The following NKAIN2 variants were observed in gnomAD, a reference collection of about 807,000 sequenced individuals.
NKAIN2 encodes the protein sodium/potassium-transporting ATPase subunit beta-1-interacting protein 2.
In NKAIN2, 14 loss-of-function variants were observed where a neutral mutation model predicts 32.6. The observed-to-expected ratio is 0.43, with a 90% CI of 0.28 to 0.67. NKAIN2 has a LOEUF of 0.67. Among genes scored for constraint, NKAIN2 ranks in the 30% least tolerant of loss-of-function variants. NKAIN2 has a pLI of 0.17. For missense variants in NKAIN2, 198 were observed against 258.3 expected (o/e 0.77, Z 1.60); for synonymous variants, 80 against 87.2 (o/e 0.92, Z 0.46).
chr6:123,868,770 ATTACT>A (rs1284575665), intron 1 of NKAIN2, among the ~76,000 whole-genome samples: 1 of 152,190 alleles, frequency 6.6e-6, no homozygotes, highest in African/African-American at 2.4e-5. Context: ...TGTAGAAATA[ATTACT>A]TTACCACATG....
At chr6:124,626,727 C>G (rs932906222) in intron 3 of NKAIN2, among the ~76,000 whole-genome samples, 3 of 152,094 alleles carry the variant, frequency 2.0e-5, no homozygotes, top group Non-Finnish European at 4.4e-5. Context: ...TCAGGGCCAC[C>G]ACATACACAC....
chr6:123,844,661 A>G (rs1775018187), intron 1 of NKAIN2, among the ~76,000 whole-genome samples: 1 of 152,216 alleles, frequency 6.6e-6, no homozygotes, highest in Non-Finnish European at 1.5e-5. Context: ...GTGCTTCTTC[A>G]CAAATGCTGT....
intron 4 of NKAIN2, among the ~76,000 whole-genome samples, chr6:124,700,350 G>A (rs972497678): frequency 1.3e-5 from 2 of 152,044 alleles, no homozygotes; most frequent in East Asian, 1.9e-4. Context: ...ACTTCTGTTC[G>A]CTCAGAATCT....
chr6:124,490,339 A>T (rs1777811958), intron 3 of NKAIN2: 1 of 435,270 alleles, frequency 2.3e-6, no homozygotes, highest in Non-Finnish European at 4.6e-6. Context: ...CACTTTCTAG[A>T]TGGAATTACA....
rs146841492 is a variant in NKAIN2 at position 124,457,580 on chromosome 6, T to C, written c.273+102233T>C. ...ACAGCAGAGTTAGATCATCTCTAAG[T>C]CCCTTTTCTTCTCTAATGTTCTGGG... On this transcript the variant is annotated intron_variant, in intron 3 of 6. Transcript: ENST00000368417. Among the ~76,000 whole-genome samples the C allele has an allele frequency of 2.4e-3, 371 of 152,036 alleles. 2 individuals carry two copies. Among genetic ancestry groups the C allele is most frequent in the African/African-American group, 8.5e-3 (353 of 41,530 alleles).
intron 4 of NKAIN2, among the ~76,000 whole-genome samples, chr6:124,779,235 C>T (rs556400962): frequency 9.1e-5 from 11 of 120,400 alleles, no homozygotes; most frequent in African/African-American, 3.3e-4. Flanking sequence ...CAGAGCCAGA[C>T]TCCAACAAAG....
At chr6:123,935,931 A>T (rs1776486463) in intron 1 of NKAIN2, among the ~76,000 whole-genome samples, 1 of 152,102 alleles carries the variant, frequency 6.6e-6, no homozygotes, top group Admixed American at 6.6e-5. Context: ...TAGGGAAAAA[A>T]ATAGACAAGA....
chr6:124,125,031 A>G (rs1313036360), intron 1 of NKAIN2, among the ~76,000 whole-genome samples: 1 of 152,222 alleles, frequency 6.6e-6, no homozygotes, highest in Non-Finnish European at 1.5e-5. Flanking sequence ...TGCAAATAGG[A>G]GGCCGTACTT....
At chr6:124,016,840 A>C (rs991087579) in intron 1 of NKAIN2, among the ~76,000 whole-genome samples, 2 of 152,142 alleles carry the variant, frequency 1.3e-5, no homozygotes, top group African/African-American at 4.8e-5. Context: ...TGCCCGCCTA[A>C]GGTATGTATT....
intron 3 of NKAIN2, among the ~76,000 whole-genome samples, chr6:124,640,085 A>T (rs1032364575): frequency 5.3e-5 from 8 of 152,144 alleles, no homozygotes; most frequent in African/African-American, 1.7e-4. Context: ...ATAAACACAT[A>T]CAATTACTAC....
chr6:124,696,615 A>G (rs1774510941), intron 4 of NKAIN2, among the ~76,000 whole-genome samples: 1 of 152,148 alleles, frequency 6.6e-6, no homozygotes, highest in Non-Finnish European at 1.5e-5. Flanking sequence ...AATCCCTCAT[A>G]ACAGAAGCAA....
At chr6:124,729,444 C>A (rs931158339) in intron 4 of NKAIN2, among the ~76,000 whole-genome samples, 3 of 151,788 alleles carry the variant, frequency 2.0e-5, no homozygotes, top group Non-Finnish European at 4.4e-5. Context: ...ATAAGCAGAG[C>A]CAAAGACAAA....
At chr6:124,233,156 T>C (rs1477146387) in intron 1 of NKAIN2, among the ~76,000 whole-genome samples, 1 of 152,106 alleles carries the variant, frequency 6.6e-6, no homozygotes, top group Non-Finnish European at 1.5e-5. Flanking sequence ...ATATTGCCTA[T>C]TGGATTGTAA....
intron 1 of NKAIN2, among the ~76,000 whole-genome samples, chr6:124,261,382 T>C (rs189749271): frequency 2.0e-5 from 3 of 152,340 alleles, no homozygotes. Context: ...CTAGTTTCCA[T>C]TTTGAATTAT....
intron 3 of NKAIN2, among the ~76,000 whole-genome samples, chr6:124,515,446 A>G (rs1778866825): frequency 6.6e-6 from 1 of 152,080 alleles, no homozygotes; most frequent in African/African-American, 2.4e-5. Flanking sequence ...TGCAGAGATC[A>G]CATGGCCAGA....
At chr6:124,807,402 C>T (rs1347354921) in intron 5 of NKAIN2, among the ~76,000 whole-genome samples, 3 of 150,318 alleles carry the variant, frequency 2.0e-5, no homozygotes, top group Non-Finnish European at 3.0e-5. Context: ...GGGTACATAA[C>T]GAAATGAAGG....
chr6:123,966,887 T>A (rs950392686), intron 1 of NKAIN2, among the ~76,000 whole-genome samples: 6 of 152,186 alleles, frequency 3.9e-5, no homozygotes, highest in South Asian at 2.1e-4. Context: ...CCAGCTCTCA[T>A]GACATTTCCA....
chr6:124,705,252 GTTA>G (rs767411341), intron 4 of NKAIN2, among the ~76,000 whole-genome samples: 2 of 152,082 alleles, frequency 1.3e-5, no homozygotes, highest in African/African-American at 4.8e-5. Flanking sequence ...GAGTCCTTTA[GTTA>G]TTATTAAGCA....
intron 1 of NKAIN2, among the ~76,000 whole-genome samples, chr6:124,221,887 G>A (rs1791850732): frequency 6.6e-6 from 1 of 152,170 alleles, no homozygotes; most frequent in African/African-American, 2.4e-5. Flanking sequence ...GCTCTAGTTT[G>A]CATGGATCAA....
Sources: gnomAD v4.1 joint callset for allele counts (sites outside exome capture counted in the v4.1 genomes callset) on GRCh38, gnomAD v4.1.1 for gene constraint, MANE v1.5 for transcripts, NCBI Gene and HGNC (gene_info 2026-07-23, HGNC 2026-07-21) for gene names.